PRKCQ: variants seen among roughly 807,000 people sequenced by gnomAD.
The protein encoded by PRKCQ is protein kinase C theta type.
In PRKCQ, 41 loss-of-function variants were observed where a neutral mutation model predicts 91.2. The observed-to-expected ratio is 0.45, with a 90% CI of 0.35 to 0.58. The LOEUF is 0.58. Among genes scored for constraint, PRKCQ ranks in the 20% least tolerant of loss-of-function variants. The pLI is 0.00. For missense variants in PRKCQ, 673 were observed against 896.5 expected, an observed-to-expected ratio of 0.75 and a Z score of 3.18; for synonymous variants, 307 against 316.9, an observed-to-expected ratio of 0.97 and a Z score of 0.33.
chr10:6,532,925 A>T (rs1839441646), intron 1 of PRKCQ, among the ~76,000 whole-genome samples: 1 of 152,184 alleles, frequency 6.6e-6, no homozygotes. Flanking sequence ...ATTGCAATCT[A>T]TTCTAATTTT....
At chr10:6,464,812 G>A (rs1040318930) in intron 12 of PRKCQ, among the ~76,000 whole-genome samples, 1 of 152,214 alleles carries the variant, frequency 6.6e-6, no homozygotes, top group Non-Finnish European at 1.5e-5. Flanking sequence ...AAATGGATTA[G>A]ATCATTTCAG....
In PRKCQ at chr10:6,479,043, C is replaced by T. The variant is rs777891422; in HGVS notation, c.1302G>A (p.Leu434=). 1.9e-6 allele frequency: 3 copies of T among 1,614,124 alleles called. No individual in the cohort carries two copies. Among genetic ancestry groups the T allele is most frequent in the Non-Finnish European group, 2.5e-6 (3 of 1,180,022 alleles). Residue 434 remains leucine (L), a synonymous_variant, in exon 12 of 18, where the codon TTG becomes TTA. Coordinates refer to ENST00000263125, the MANE Select transcript of PRKCQ (RefSeq NM_006257.5). ...GCGTCAGAAACGGATGCTCCCAGGCCAAGGAAAGAACTCTCTTCTCTACCA... is the reference window on the plus strand; with the variant it reads ...GCGTCAGAAACGGATGCTCCCAGGCTAAGGAAAGAACTCTCTTCTCTACCA... The part of the protein sequence containing the change: ...CTMVEKRVLS[L]AWEHPFLTHM...
In PRKCQ at chr10:6,553,501, A is replaced by ATAAAAT. The variant is rs1395281708; in HGVS notation, c.-10+26709_-10+26710insATTTTA. ...CAAGACCCTGTCTCAAAAAAAAAAA[A>ATAAAAT]AAAAAAAAAAAAAAAACAAACAAAC... On this transcript the variant is annotated intron_variant, in intron 1 of 17. Coordinates refer to ENST00000263125, the MANE Select transcript of PRKCQ (RefSeq NM_006257.5). 2.1e-3 allele frequency among the ~76,000 whole-genome samples: 191 copies of ATAAAAT among 92,628 alleles called. 5 individuals are homozygous for ATAAAAT. In the East Asian group the frequency reaches 0.033, roughly 16 times the overall value. 60.8% of individuals were successfully genotyped at this position (92,628 alleles called of 152,430 possible). A position where few individuals can be genotyped will look rare whatever the true frequency, so the allele number is the denominator to read the frequency against.
At chr10:6,395,576 A>G in the PRKCQ span, among the ~76,000 whole-genome samples, 2 of 152,162 alleles carry the variant, frequency 1.3e-5, no homozygotes, top group Non-Finnish European at 2.9e-5. Context: ...CTCCTAAACC[A>G]TAATTTCTAA....
At chr10:6,545,053 G>A (rs10906828) in intron 1 of PRKCQ, among the ~76,000 whole-genome samples, 141,312 of 151,758 alleles carry the variant, frequency 0.93, 66,072 homozygotes, top group East Asian at 1. Context: ...TTATTTTTAC[G>A]ATACTGGGAC....
intron 8 of PRKCQ, among the ~76,000 whole-genome samples, chr10:6,488,565 G>A (rs1034001046): frequency 6.6e-6 from 1 of 151,948 alleles, no homozygotes; most frequent in Non-Finnish European, 1.5e-5. Flanking sequence ...TTTGTTTTTA[G>A]TAGAGACAGG....
At chr10:6,524,135 A>G (rs986458011) in intron 1 of PRKCQ, among the ~76,000 whole-genome samples, 4 of 152,148 alleles carry the variant, frequency 2.6e-5, no homozygotes, top group African/African-American at 9.7e-5. Flanking sequence ...AATCTTTCTC[A>G]TGCTTCATGA....
chr10:6,546,625 T>C (rs2130926093), intron 1 of PRKCQ, among the ~76,000 whole-genome samples: 1 of 152,276 alleles, frequency 6.6e-6, no homozygotes. Context: ...CTTAAGGAGA[T>C]TTTGGGCTGA....
intron 1 of PRKCQ, among the ~76,000 whole-genome samples, chr10:6,525,908 C>T (rs533526541): frequency 1.3e-5 from 2 of 152,268 alleles, no homozygotes; most frequent in African/African-American, 4.8e-5. Flanking sequence ...TTCTAGACCT[C>T]AGCTCTCCCA....
chr10:6,565,037 G>A (rs1290765503), intron 1 of PRKCQ, among the ~76,000 whole-genome samples: 1 of 152,176 alleles, frequency 6.6e-6, no homozygotes, highest in Non-Finnish European at 1.5e-5. Context: ...TGTGGCATGT[G>A]GATTAAAATT....
rs76164754 is a variant in PRKCQ at position 6,480,675 on chromosome 10, A to T, written c.1180-1510T>A. ...CAGGTAAGATGAGACCTGGGAAAGT[A>T]GACTCTAAAATGATCTCTGAATCAC... On this transcript the variant is annotated intron_variant, in intron 11 of 17. Transcript: ENST00000263125. Among the ~76,000 whole-genome samples the T allele has an allele frequency of 2.6e-3, 399 of 152,378 alleles. 4 individuals are homozygous for T. The highest frequency in any genetic ancestry group is 9.4e-3 in the African/African-American group (391 of 41,588).
chr10:6,576,985 T>A lies in PRKCQ; in HGVS notation c.-10+3226A>T, dbSNP rs1391064993. ...TATAAATAAAATTCTGAGTATGATATACAGCACATAAATTCTAAATAATAA... is the reference window on the plus strand; with the variant it reads ...TATAAATAAAATTCTGAGTATGATAAACAGCACATAAATTCTAAATAATAA... On this transcript the variant is annotated intron_variant, in intron 1 of 17. Transcript: ENST00000263125. This position sits in a 1 kb window ranked among gnomAD's most constrained non-coding sequence, Gnocchi z 4.2. 2.0e-5 allele frequency among the ~76,000 whole-genome samples: 3 copies of A among 152,186 alleles called. No individual in the cohort carries two copies. Among genetic ancestry groups the A allele is most frequent in the Non-Finnish European group, 4.4e-5 (3 of 68,042 alleles).
intron 1 of PRKCQ, among the ~76,000 whole-genome samples, chr10:6,580,003 C>A (rs1841406247): frequency 6.6e-6 from 1 of 152,176 alleles, no homozygotes; most frequent in African/African-American, 2.4e-5. Flanking sequence ...GCATCCCGTG[C>A]GACCTGCGTC....
intron 16 of PRKCQ, among the ~76,000 whole-genome samples, chr10:6,437,646 ATTTTTTTTATTT>A (rs1833766350): frequency 6.6e-6 from 1 of 150,740 alleles, no homozygotes; most frequent in Non-Finnish European, 1.5e-5. Context: ...CTAACTTATT[ATTTTTTTTATTT>A]TTTATTTTTT....
At chr10:6,446,225 G>C (rs1834284836) in intron 15 of PRKCQ, among the ~76,000 whole-genome samples, 1 of 152,092 alleles carries the variant, frequency 6.6e-6, no homozygotes, top group African/African-American at 2.4e-5. Context: ...CTTACTTAAA[G>C]TCTCCTAGTT....
chr10:6,498,370 T>A, intron 5 of PRKCQ, 26 bp downstream of exon 5: 2 of 1,611,780 alleles, frequency 1.2e-6, no homozygotes. Flanking sequence ...ACCCGAAGCT[T>A]GGAGGGAGAT....
chr10:6,574,823 C>A (rs963391897), intron 1 of PRKCQ, among the ~76,000 whole-genome samples: 14 of 152,172 alleles, frequency 9.2e-5, no homozygotes, highest in African/African-American at 3.4e-4. Context: ...CAGGGACATT[C>A]TACAAACACT....
chr10:6,510,879 G>T, intron 3 of PRKCQ, 116 bp downstream of exon 3: 1 of 1,136,154 alleles, frequency 8.8e-7, no homozygotes, highest in Non-Finnish European at 1.3e-6. Context: ...GTGGTAGGGA[G>T]CCTGGTGACC....
At chr10:6,515,326 A>T (rs1838706820) in intron 1 of PRKCQ, 182 bp from the exon 2 acceptor site, 1 of 1,491,382 alleles carries the variant, frequency 6.7e-7, no homozygotes, top group African/African-American at 1.4e-5. Flanking sequence ...CTCACCCAAA[A>T]CCACACACTG....
Sources: gnomAD v4.1 joint callset for allele counts (sites outside exome capture counted in the v4.1 genomes callset) on GRCh38, gnomAD v4.1.1 for gene constraint, Gnocchi (gnomAD v3.1) non-coding constraint, MANE v1.5 for transcripts, NCBI Gene and HGNC (gene_info 2026-07-23, HGNC 2026-07-21) for gene names.